The following SRD5A1 variants were observed in gnomAD, a reference collection of about 807,000 sequenced individuals.
SRD5A1 encodes 3-oxo-5-alpha-steroid 4-dehydrogenase 1.
Under a neutral mutation model 28.2 loss-of-function variants are expected in SRD5A1, and 22 were observed. That is an observed-to-expected ratio of 0.78 (90% CI 0.56 to 1.12). SRD5A1 has a LOEUF of 1.12. Ranked by LOEUF, SRD5A1 falls within the 50% of genes most tolerant of loss-of-function variation. The pLI, the probability that SRD5A1 is intolerant of heterozygous loss-of-function variation, is 0.00. For synonymous variants in SRD5A1, 151 were observed against 135.0 expected (o/e 1.12, Z -0.82); for missense variants, 300 against 346.7 (o/e 0.87, Z 1.07).
At chr5:6,640,529 T>C (rs1353242746) in intron 1 of SRD5A1, among the ~76,000 whole-genome samples, 2 of 97,792 alleles carry the variant, frequency 2.0e-5, no homozygotes, top group African/African-American at 9.6e-5. Context: ...GCAAGTCTTA[T>C]TCTTTTTTTT....
At chr5:6,664,048 A>G (rs1441494209) in intron 4 of SRD5A1, among the ~76,000 whole-genome samples, 1 of 152,056 alleles carries the variant, frequency 6.6e-6, no homozygotes, top group African/African-American at 2.4e-5. Context: ...CTGCCCTGAC[A>G]TTGGCGCGTG....
chr5:6,665,914 CTT>C (rs1326174083), intron 4 of SRD5A1, among the ~76,000 whole-genome samples: 3 of 152,208 alleles, frequency 2.0e-5, no homozygotes, highest in Non-Finnish European at 4.4e-5. Context: ...TGAAAGAGCT[CTT>C]TGTCATTCAT....
At chr5:6,645,554 G>A (rs1474511556) in intron 1 of SRD5A1, among the ~76,000 whole-genome samples, 18 of 151,388 alleles carry the variant, frequency 1.2e-4, no homozygotes, top group African/African-American at 3.2e-4. Context: ...CAGGAGAATC[G>A]CTTCAACCCG....
At chr5:6,655,664 C>T (rs1264412536) in intron 2 of SRD5A1, among the ~76,000 whole-genome samples, 1 of 152,234 alleles carries the variant, frequency 6.6e-6, no homozygotes, top group Non-Finnish European at 1.5e-5. Context: ...ACAGGAGCAT[C>T]ACCCCTCCTG....
Position 6,671,845 on chromosome 5 carries a change from C to T in SRD5A1, c.*3577C>T, listed in dbSNP as rs555064283. On this transcript the variant is annotated 3_prime_UTR_variant, in exon 5 of 5. Coordinates refer to ENST00000274192, the MANE Select transcript of SRD5A1 (RefSeq NM_001047.4). Reference sequence around the variant, plus strand: ...ACTTATGGGAAAAAAAGATATTCATCGACCTATTCCAGGTCCTCTCTCCAC... The same window carrying T: ...ACTTATGGGAAAAAAAGATATTCATTGACCTATTCCAGGTCCTCTCTCCAC... 1 of 152,290 alleles carries T rather than the reference C, an allele frequency of 6.6e-6. No individual in the cohort carries two copies. Among genetic ancestry groups the T allele is most frequent in the Non-Finnish European group, 1.5e-5 (1 of 68,046 alleles). The allele number at this position is 152,290 out of a possible 1,614,324, so 9.4% of individuals were successfully genotyped here. A position where few individuals can be genotyped will look rare whatever the true frequency, so the allele number is the denominator to read the frequency against.
At chr5:6,639,715 G>A (rs968641813) in intron 1 of SRD5A1, among the ~76,000 whole-genome samples, 10 of 152,186 alleles carry the variant, frequency 6.6e-5, no homozygotes, top group African/African-American at 1.9e-4. Flanking sequence ...GAATTTCTCC[G>A]TGTCTCTCAT....
chr5:6,657,520 C>T (rs951434968), intron 3 of SRD5A1, among the ~76,000 whole-genome samples: 4 of 152,206 alleles, frequency 2.6e-5, no homozygotes, highest in African/African-American at 7.2e-5. Flanking sequence ...CCAAATTAAT[C>T]GGCAAGTGTT....
Position 6,674,021 on chromosome 5 carries a change from A to G in SRD5A1, c.*5753A>G, listed in dbSNP as rs1739435436. The G allele has an allele frequency of 6.6e-6, 1 of 152,174 alleles. No homozygotes were observed. The highest frequency in any genetic ancestry group is 1.5e-5 in the Non-Finnish European group (1 of 68,026). 9.4% of individuals were successfully genotyped at this position (152,174 alleles called of 1,614,324 possible). ...AAACTATTATTATGATACTTTATGG[A>G]TATAGAATATTATGCATTTTTCAAA... is the stretch of plus-strand genomic sequence containing the variant. On this transcript the variant is annotated 3_prime_UTR_variant, in exon 5 of 5. Coordinates refer to ENST00000274192, the MANE Select transcript of SRD5A1 (RefSeq NM_001047.4).
intron 1 of SRD5A1, among the ~76,000 whole-genome samples, chr5:6,645,848 T>C (rs1212745901): frequency 6.6e-6 from 1 of 152,198 alleles, no homozygotes; most frequent in African/African-American, 2.4e-5. Flanking sequence ...TTTTTTTTAT[T>C]TTCTTTATTA....
At chr5:6,644,578 C>T (rs1738453191) in intron 1 of SRD5A1, among the ~76,000 whole-genome samples, 1 of 152,162 alleles carries the variant, frequency 6.6e-6, no homozygotes, top group South Asian at 2.1e-4. Flanking sequence ...GCTCTTGGTA[C>T]TTCTCAGCTT....
rs916072825 is a variant in SRD5A1 at position 6,674,245 on chromosome 5, ACAC to A, written c.*5978_*5980del. ...TATCATCAACTGTAACTAGTGTACAACACTAATGCAAGATGTTAATAGGGGAAA... is the reference window on the plus strand; with the variant it reads ...TATCATCAACTGTAACTAGTGTACAATAATGCAAGATGTTAATAGGGGAAA... On this transcript the variant is annotated 3_prime_UTR_variant, in exon 5 of 5. Coordinates refer to ENST00000274192, the MANE Select transcript of SRD5A1 (RefSeq NM_001047.4). 36 of 152,280 alleles carry A rather than the reference ACAC, an allele frequency of 2.4e-4. No homozygotes were observed. The highest frequency in any genetic ancestry group is 4.1e-4 in the South Asian group (2 of 4,830). 9.4% of individuals were successfully genotyped at this position (152,280 alleles called of 1,614,324 possible).
chr5:6,659,895 G>C (rs980617814), intron 3 of SRD5A1, among the ~76,000 whole-genome samples: 1 of 152,142 alleles, frequency 6.6e-6, no homozygotes, highest in Non-Finnish European at 1.5e-5. Flanking sequence ...AGCTCCCTTC[G>C]CTGCAGACTC....
intron 4 of SRD5A1, among the ~76,000 whole-genome samples, chr5:6,664,894 C>T (rs747047711): frequency 2.6e-5 from 4 of 152,198 alleles, no homozygotes; most frequent in Non-Finnish European, 4.4e-5. Flanking sequence ...GAGGGGTCTG[C>T]GGAAAGTTGA....
chr5:6,649,261 C>T (rs1738595481), intron 1 of SRD5A1, among the ~76,000 whole-genome samples: 1 of 152,204 alleles, frequency 6.6e-6, no homozygotes, highest in Non-Finnish European at 1.5e-5. Flanking sequence ...GCTGGGAGAA[C>T]CGCTGCTCTC....
intron 1 of SRD5A1, among the ~76,000 whole-genome samples, chr5:6,645,893 G>A (rs149903474): frequency 0.013 from 1,966 of 151,840 alleles, 41 homozygotes; most frequent in African/African-American, 0.045. Flanking sequence ...TGTGCAGAAC[G>A]TGCAGGTTTG....
intron 4 of SRD5A1, among the ~76,000 whole-genome samples, chr5:6,665,417 T>C (rs1739140280): frequency 6.6e-6 from 1 of 152,228 alleles, no homozygotes; most frequent in Admixed American, 6.5e-5. Flanking sequence ...ACTGGGAAAG[T>C]AAGGGCAGGA....
chr5:6,649,760 G>C (rs1738613822), intron 1 of SRD5A1, among the ~76,000 whole-genome samples: 1 of 152,136 alleles, frequency 6.6e-6, no homozygotes, highest in South Asian at 2.1e-4. Flanking sequence ...TCCGTGGGCT[G>C]CACCCACTGT....
At chr5:6,656,005 C>A in intron 2 of SRD5A1, 73 bp from the exon 3 acceptor site, 1 of 1,077,334 alleles carries the variant, frequency 9.3e-7, no homozygotes, top group South Asian at 1.3e-5. Flanking sequence ...TAATACTGTT[C>A]AGTCAGGCTG....
chr5:6,667,112 C>T (rs142653532), intron 4 of SRD5A1, among the ~76,000 whole-genome samples: 19 of 152,342 alleles, frequency 1.2e-4, no homozygotes, highest in African/African-American at 3.6e-4. Flanking sequence ...AATGCACTTT[C>T]GCAGGTTTGA....
Sources: gnomAD v4.1 joint callset for allele counts (sites outside exome capture counted in the v4.1 genomes callset) on GRCh38, gnomAD v4.1.1 for gene constraint, MANE v1.5 for transcripts, NCBI Gene and HGNC (gene_info 2026-07-23, HGNC 2026-07-21) for gene names.